The following MTHFD1L variants were observed in gnomAD, a reference collection of about 807,000 sequenced individuals.
The protein encoded by MTHFD1L is methylenetetrahydrofolate dehydrogenase (NADP+ dependent) 1 like.
In MTHFD1L, 81 loss-of-function variants were observed where a neutral mutation model predicts 119.5. The ratio of observed to expected loss-of-function variants is 0.68; its 90% confidence interval spans 0.57 to 0.82. The LOEUF is 0.82. Ranked by LOEUF, MTHFD1L falls within the 40% of genes least tolerant of loss-of-function variation. The probability of loss-of-function intolerance (pLI) is 0.00; values close to 1 mark genes in which losing one functional copy is unlikely to be tolerated. For missense variants in MTHFD1L, 1,125 were observed against 1,253.4 expected (o/e 0.90, Z 1.55); for synonymous variants, 430 against 475.2 (o/e 0.90, Z 1.24).
At chr6:150,922,558 G>A (rs1041459098) in intron 10 of MTHFD1L, among the ~76,000 whole-genome samples, 11 of 151,448 alleles carry the variant, frequency 7.3e-5, no homozygotes, top group African/African-American at 2.7e-4. Flanking sequence ...TTAAATGGCA[G>A]TTTTTTAATG....
intron 1 of MTHFD1L, chr6:150,866,428 G>A: frequency 7.4e-7 from 1 of 1,350,940 alleles, no homozygotes; most frequent in South Asian, 1.8e-5. Context: ...CAGGGGAGGG[G>A]GCGAGGAGCA....
chr6:151,063,374 T>C (rs1364809416), intron 26 of MTHFD1L, among the ~76,000 whole-genome samples: 1 of 152,246 alleles, frequency 6.6e-6, no homozygotes, highest in Non-Finnish European at 1.5e-5. Context: ...AACTTTTCCC[T>C]CTTGAATCTT....
intron 20 of MTHFD1L, among the ~76,000 whole-genome samples, chr6:150,976,257 G>A (rs553387583): frequency 7.9e-5 from 12 of 152,238 alleles, no homozygotes; most frequent in Admixed American, 7.2e-4. Context: ...GAGCTGGGAG[G>A]GGAGCTGGAT....
chr6:150,956,963 G>C (rs571888000), intron 17 of MTHFD1L, among the ~76,000 whole-genome samples: 1 of 152,120 alleles, frequency 6.6e-6, no homozygotes, highest in Non-Finnish European at 1.5e-5. Flanking sequence ...TAGCAAACTG[G>C]AATCATTGCC....
chr6:151,042,637 A>G (rs373756225), intron 26 of MTHFD1L, among the ~76,000 whole-genome samples: 20 of 152,226 alleles, frequency 1.3e-4, no homozygotes, highest in Non-Finnish European at 2.1e-4. Flanking sequence ...TTAAGTTTCT[A>G]TAATTTACAA....
At position 150,866,761 on chromosome 6, in the gene MTHFD1L, C is replaced by G. The variant is rs1192368466; in HGVS notation, c.227+712C>G. The G allele has an allele frequency of 1.2e-5, 11 of 953,054 alleles. No individual in the cohort carries two copies. The African/African-American group carries it at 1.7e-4, about 15-fold the overall frequency. The allele number at this position is 953,054 out of a possible 1,614,324, so 59.0% of individuals were successfully genotyped here. On this transcript the variant is annotated intron_variant, in intron 1 of 27. Coordinates refer to ENST00000367321, the MANE Select transcript of MTHFD1L (RefSeq NM_015440.5). ...TGGGTTTGCAGGGTTTTCTGCGGGCCCAGAGCGAACTGGGAGCCCCGGGCC... is the reference window on the plus strand; with the variant it reads ...TGGGTTTGCAGGGTTTTCTGCGGGCGCAGAGCGAACTGGGAGCCCCGGGCC...
chr6:150,951,822 G>A (rs961617559), intron 16 of MTHFD1L, among the ~76,000 whole-genome samples: 1 of 150,458 alleles, frequency 6.6e-6, no homozygotes, highest in Non-Finnish European at 1.5e-5. Flanking sequence ...TTGTGATTTT[G>A]TGTTACTCTT....
intron 27 of MTHFD1L, among the ~76,000 whole-genome samples, chr6:151,100,888 G>A (rs904460225): frequency 1.1e-4 from 17 of 152,258 alleles, no homozygotes; most frequent in African/African-American, 4.1e-4. Context: ...GCTGGGCGTG[G>A]TGGTTCATAC....
At chr6:150,918,773 T>C in intron 9 of MTHFD1L, 105 bp downstream of exon 9, 1 of 865,780 alleles carries the variant, frequency 1.2e-6, no homozygotes, top group South Asian at 1.5e-5. Flanking sequence ...TGTTAAACAC[T>C]TCACACACAG....
At chr6:151,071,034 C>A (rs12192085) in intron 26 of MTHFD1L, among the ~76,000 whole-genome samples, 1 of 152,052 alleles carries the variant, frequency 6.6e-6, no homozygotes, top group Non-Finnish European at 1.5e-5. Flanking sequence ...ATTCTAAGCC[C>A]AGTTCCAGAT....
At chr6:151,069,046 A>G (rs558532357) in intron 26 of MTHFD1L, among the ~76,000 whole-genome samples, 9 of 152,212 alleles carry the variant, frequency 5.9e-5, no homozygotes, top group Admixed American at 5.2e-4. Context: ...CCTCACATCA[A>G]TCATAATTTG....
At chr6:151,006,983 C>A (rs1442331437) in intron 20 of MTHFD1L, among the ~76,000 whole-genome samples, 1 of 152,120 alleles carries the variant, frequency 6.6e-6, no homozygotes, top group Non-Finnish European at 1.5e-5. Flanking sequence ...AGTCCCACTC[C>A]CCGGTACTAA....
chr6:151,043,335 G>A (rs1433582844), intron 26 of MTHFD1L, among the ~76,000 whole-genome samples: 3 of 142,264 alleles, frequency 2.1e-5, no homozygotes, highest in African/African-American at 7.8e-5. Context: ...CATGATCTCG[G>A]CTCACTGCAA....
chr6:151,046,664 A>C (rs1788137995), intron 26 of MTHFD1L, among the ~76,000 whole-genome samples: 1 of 151,918 alleles, frequency 6.6e-6, no homozygotes, highest in African/African-American at 2.4e-5. Context: ...TGCTCATGGA[A>C]TTGCTCTTTC....
chr6:151,093,157 G>A (rs774604996), intron 27 of MTHFD1L, among the ~76,000 whole-genome samples: 2 of 152,164 alleles, frequency 1.3e-5, no homozygotes, highest in African/African-American at 2.4e-5. Context: ...GAGACTCTGG[G>A]TGGAATCCTT....
At chr6:151,042,772 CA>C (rs1269433046) in intron 26 of MTHFD1L, among the ~76,000 whole-genome samples, 2 of 152,100 alleles carry the variant, frequency 1.3e-5, no homozygotes, top group South Asian at 4.1e-4. Flanking sequence ...AAGACAACAC[CA>C]AAACCTTAAA....
Position 151,060,912 on chromosome 6 carries a change from A to G in MTHFD1L, c.2847+23795A>G, listed in dbSNP as rs138314777. On this transcript the variant is annotated intron_variant, in intron 26 of 27. Transcript: ENST00000367321. ...GGAGTGGAAAACGGAGAAATTAGTC[A>G]TGAAGACCTATTTAGAAAGTAGTAG... is the stretch of plus-strand genomic sequence containing the variant. Among the ~76,000 whole-genome samples, 30 of 152,328 alleles carry G rather than the reference A, an allele frequency of 2.0e-4. 1 individual carries two copies. In the East Asian group the frequency reaches 5.0e-3, roughly 25 times the overall value.
At chr6:150,908,948 T>G (rs1286001829) in intron 8 of MTHFD1L, among the ~76,000 whole-genome samples, 2 of 152,140 alleles carry the variant, frequency 1.3e-5, no homozygotes, top group Non-Finnish European at 2.9e-5. Context: ...TTTAATAAAC[T>G]TGTGGCTGGG....
intron 19 of MTHFD1L, among the ~76,000 whole-genome samples, chr6:150,969,156 A>G (rs1392170147): frequency 1.1e-4 from 17 of 151,222 alleles, no homozygotes; most frequent in Admixed American, 1.1e-3. Flanking sequence ...AAATTTTTGT[A>G]TTTTTAGTAG....
Sources: gnomAD v4.1 joint callset for allele counts (sites outside exome capture counted in the v4.1 genomes callset) on GRCh38, gnomAD v4.1.1 for gene constraint, MANE v1.5 for transcripts, NCBI Gene and HGNC (gene_info 2026-07-23, HGNC 2026-07-21) for gene names.